Variants in SAMD4B observed in about 807,000 individuals in gnomAD.
SAMD4B encodes sterile alpha motif domain containing 4B.
SAMD4B carries 5 observed loss-of-function variants against 74.5 expected under a neutral mutation model. The ratio of observed to expected loss-of-function variants is 0.07; its 90% CI spans 0.04 to 0.14. SAMD4B has a LOEUF of 0.14. Ranked by LOEUF, SAMD4B falls within the 10% of genes least tolerant of loss-of-function variation. The probability of loss-of-function intolerance (pLI) is 1.00; values close to 1 mark genes in which losing one functional copy is unlikely to be tolerated. For synonymous variants in SAMD4B, 373 were observed against 374.9 expected (o/e 1.00, Z 0.06); for missense variants, 608 against 921.8 (o/e 0.66, Z 4.41).
At position 39,380,803 on chromosome 19, in the gene SAMD4B, A is replaced by G; in HGVS notation, c.1848+18A>G. ...GCCGACAGGTAAGCTGGCTGGAAGC[A>G]GGGGCCTGGCCTCCTGGGGTTGGGG... On this transcript the variant is annotated intron_variant, in intron 11 of 13. Coordinates refer to ENST00000610417, the MANE Select transcript of SAMD4B (RefSeq NM_001384574.2). 7 of 1,523,766 alleles carry G rather than the reference A, an allele frequency of 4.6e-6. No homozygotes were observed. Among genetic ancestry groups the G allele is most frequent in the Non-Finnish European group, 6.1e-6 (7 of 1,138,290 alleles). The allele number at this position is 1,523,766 out of a possible 1,614,324, so 94.4% of individuals were successfully genotyped here.
rs1330506004 is a variant in SAMD4B at position 39,383,780 on chromosome 19, G to C, written c.*253G>C. On this transcript the variant is annotated 3_prime_UTR_variant, in exon 14 of 14. Coordinates refer to ENST00000610417, the MANE Select transcript of SAMD4B (RefSeq NM_001384574.2). The surrounding 1 kb of genome is among the most constrained non-coding windows in gnomAD (Gnocchi z 4.1). ...GGATAAAGGGGGCAGGGACTGGCCA[G>C]ACTGCCTGCCTCTCTCCTTTCCTTC... The C allele has an allele frequency of 7.1e-7, 1 of 1,415,514 alleles. No individual in the cohort carries two copies. Among genetic ancestry groups the C allele is most frequent in the East Asian group, 2.5e-5 (1 of 40,200 alleles). The allele number at this position is 1,415,514 out of a possible 1,614,324, so 87.7% of individuals were successfully genotyped here.
intron 7 of SAMD4B, 38 bp downstream of exon 7, chr19:39,376,829 CCACTTGGT>C: frequency 6.4e-7 from 1 of 1,569,722 alleles, no homozygotes. Flanking sequence ...GGCCAGCCAG[CCACTTGGT>C]GGTACCAGTA....
intron 1 of SAMD4B, 53 bp from the exon 2 acceptor site, chr19:39,353,953 C>T (rs2076201843): frequency 6.6e-6 from 1 of 152,102 alleles, no homozygotes; most frequent in Non-Finnish European, 1.5e-5. Context: ...GTGGGATCTG[C>T]CCCAGTTTAT....
chr19:39,358,877 C>T (rs1369019470), intron 3 of SAMD4B, among the ~76,000 whole-genome samples: 1 of 152,216 alleles, frequency 6.6e-6, no homozygotes, highest in African/African-American at 2.4e-5. Context: ...TGGCCTCCCT[C>T]ATCTCCCCAG....
downstream of SAMD4B, chr19:39,390,023 T>C (rs1449605177): frequency 6.8e-7 from 1 of 1,477,700 alleles, no homozygotes; most frequent in East Asian, 2.3e-5. Context: ...AGTCCCTGCC[T>C]TCAAGGAACT....
chr19:39,349,096 T>G (rs951640124), intron 1 of SAMD4B, among the ~76,000 whole-genome samples: 1 of 152,150 alleles, frequency 6.6e-6, no homozygotes, highest in Non-Finnish European at 1.5e-5. Context: ...AACCCGGCAG[T>G]CTGGTTCTAG....
At chr19:39,361,156 A>G (rs1227228814) in intron 3 of SAMD4B, among the ~76,000 whole-genome samples, 3 of 152,158 alleles carry the variant, frequency 2.0e-5, no homozygotes, top group African/African-American at 7.2e-5. Context: ...CAAGCATACT[A>G]CTTTCTTTTG....
At position 39,358,393 on chromosome 19, in the gene SAMD4B, T is replaced by C. The variant is rs186225738; in HGVS notation, c.196+1304T>C. 9.2e-5 allele frequency among the ~76,000 whole-genome samples: 14 copies of C among 152,296 alleles called. No individual in the cohort carries two copies. In the East Asian group the frequency reaches 1.5e-3, roughly 17 times the overall value. ...AACTTAACCTCTCTGTGCCTCACTTTCCTGCGCGCCACCACGCCTGGCTAA... is the reference window on the plus strand; with the variant it reads ...AACTTAACCTCTCTGTGCCTCACTTCCCTGCGCGCCACCACGCCTGGCTAA... On this transcript the variant is annotated intron_variant, in intron 3 of 13. Transcript: ENST00000610417.
At chr19:39,373,996 G>A (rs1176170625) in intron 4 of SAMD4B, among the ~76,000 whole-genome samples, 2 of 151,670 alleles carry the variant, frequency 1.3e-5, no homozygotes, top group African/African-American at 4.9e-5. Flanking sequence ...ACCAGGCACA[G>A]GTGGCTTACG....
At chr19:39,388,697 A>G (rs1267460498), downstream of SAMD4B, 1 of 1,611,878 alleles carries the variant, frequency 6.2e-7, no homozygotes, top group Admixed American at 1.7e-5. Flanking sequence ...GAAAAGGAGT[A>G]GCAATGAAGT....
Position 39,383,123 on chromosome 19 carries a change from C to T in SAMD4B, c.1973-85C>T. ...CCCTCCATCTCTCTTGCTCCCTTCCCATACCAGCATCCTTTGTCATCCCAG... is the reference window on the plus strand; with the variant it reads ...CCCTCCATCTCTCTTGCTCCCTTCCTATACCAGCATCCTTTGTCATCCCAG... On this transcript the variant is annotated intron_variant, in intron 12 of 13. Coordinates refer to ENST00000610417, the MANE Select transcript of SAMD4B (RefSeq NM_001384574.2). This position sits in a 1 kb window ranked among gnomAD's most constrained non-coding sequence, Gnocchi z 4.1. The T allele has an allele frequency of 9.2e-7, 1 of 1,081,996 alleles. No homozygotes were observed. The highest frequency in any genetic ancestry group is 1.4e-6 in the Non-Finnish European group (1 of 694,386). 67.0% of individuals were successfully genotyped at this position (1,081,996 alleles called of 1,614,324 possible).
intron 4 of SAMD4B, among the ~76,000 whole-genome samples, chr19:39,372,250 A>C (rs552186427): frequency 2.0e-5 from 3 of 152,298 alleles, no homozygotes; most frequent in Non-Finnish European, 1.5e-5. Flanking sequence ...TCGAATGAGT[A>C]ATAACAGTAG....
intron 1 of SAMD4B, chr19:39,351,731 C>G (rs2076053587): frequency 6.6e-6 from 1 of 152,100 alleles, no homozygotes; most frequent in African/African-American, 2.4e-5. Context: ...CAGGCTTCCA[C>G]CGTGAAATAG....
intron 3 of SAMD4B, among the ~76,000 whole-genome samples, chr19:39,366,608 A>C (rs2076975983): frequency 6.6e-6 from 1 of 152,192 alleles, no homozygotes; most frequent in Non-Finnish European, 1.5e-5. Flanking sequence ...CTACAAACTT[A>C]AGCAGAATTA....
In SAMD4B at chr19:39,377,728, C is replaced by T. The variant is rs1474004288; in HGVS notation, c.1348C>T (p.Pro450Ser). ...DPPAVENYPP[P>S]PAPAPTDGSE... ...TCCAGCTGTGGAGAACTACCCACCT[C>T]CACCAGCTCCAGCTCCCACTGATGG... The change falls in exon 8 of 14, where the codon CCA becomes TCA. Residue 450 changes from proline (P) to serine (S), a missense_variant. Pro to Ser is a moderately conservative substitution (Grantham distance 74, BLOSUM62 -1). This residue lies in a region of SAMD4B where 99 missense variants were observed against 112.1 expected (regional missense o/e 0.88). Transcript: ENST00000610417. The T allele has an allele frequency of 3.7e-6, 6 of 1,614,126 alleles. No homozygotes were observed. The Admixed American group carries it at 1.0e-4, about 27-fold the overall frequency.
Position 39,383,336 on chromosome 19 carries a change from G to A in SAMD4B, c.2056+45G>A, listed in dbSNP as rs375573797. On this transcript the variant is annotated intron_variant, in intron 13 of 13. Coordinates refer to ENST00000610417, the MANE Select transcript of SAMD4B (RefSeq NM_001384574.2). The surrounding 1 kb of genome is among the most constrained non-coding windows in gnomAD (Gnocchi z 4.1). ...CTGACCCAGCTCCCACCTACCCAGC[G>A]TCTCTGCCTCTGAACTGAGCAACTC... 233 of 1,602,206 alleles carry A rather than the reference G, an allele frequency of 1.5e-4. No individual in the cohort carries two copies. Among genetic ancestry groups the A allele is most frequent in the African/African-American group, 3.2e-4 (24 of 74,776 alleles).
In SAMD4B at chr19:39,376,453, C is replaced by G. The variant is rs761589111; in HGVS notation, c.924C>G (p.Leu308=). 7 of 1,612,526 alleles carry G rather than the reference C, an allele frequency of 4.3e-6. 1 individual carries two copies. In the South Asian group the frequency reaches 7.7e-5, roughly 18 times the overall value. ...TTGCCAAAGATGTGCCCTCATGGCTCAAGAGCCTCCGTTTGCACAAGTATG... is the reference window on the plus strand; with the variant it reads ...TTGCCAAAGATGTGCCCTCATGGCTGAAGAGCCTCCGTTTGCACAAGTATG... ...GSGMKDVPSW[L]KSLRLHKYAA... is the part of the protein sequence containing the mutation. Residue 308 remains leucine (L), a synonymous_variant, in exon 6 of 14, where the codon CTC becomes CTG. Coordinates refer to ENST00000610417, the MANE Select transcript of SAMD4B (RefSeq NM_001384574.2).
intron 3 of SAMD4B, among the ~76,000 whole-genome samples, chr19:39,359,527 G>A (rs1428041156): frequency 6.6e-6 from 1 of 152,050 alleles, no homozygotes; most frequent in Non-Finnish European, 1.5e-5. Context: ...TAACCAGTTT[G>A]GTTTTTTCAC....
At chr19:39,389,076 C>T (rs2078316222), downstream of SAMD4B, 1 of 1,612,534 alleles carries the variant, frequency 6.2e-7, no homozygotes, top group African/African-American at 1.3e-5. This position sits in a 1 kb window ranked among gnomAD's most constrained non-coding sequence, Gnocchi z 5.3. Context: ...CTCTCCCCAT[C>T]CCAGTCCCTC....
Sources: allele counts gnomAD v4.1 joint callset (sites outside exome capture counted in the v4.1 genomes callset), GRCh38; gene constraint gnomAD v4.1.1; regional missense constraint gnomAD v4.1.1; non-coding constraint Gnocchi (gnomAD v3.1); transcripts MANE v1.5; gene names NCBI Gene and HGNC (gene_info 2026-07-23, HGNC 2026-07-21).